The following TMTC2 variants were observed in gnomAD, a reference collection of about 807,000 sequenced individuals.
TMTC2 encodes protein O-mannosyl-transferase TMTC2.
A neutral mutation model predicts 82.4 loss-of-function variants in TMTC2; 43 were observed. That is an observed-to-expected ratio of 0.52 (90% CI 0.41 to 0.67). TMTC2 has a LOEUF of 0.67. Ranked by LOEUF, TMTC2 falls within the 30% of genes least tolerant of loss-of-function variation. The pLI, the probability that TMTC2 is intolerant of heterozygous loss-of-function variation, is 0.00. For missense variants in TMTC2, 919 were observed against 1,012.4 expected, an observed-to-expected ratio of 0.91 and a Z score of 1.25; for synonymous variants, 408 against 381.9, an observed-to-expected ratio of 1.07 and a Z score of -0.80.
chr12:82,956,700 C>T (rs757101882), intron 4 of TMTC2, among the ~76,000 whole-genome samples: 2 of 152,060 alleles, frequency 1.3e-5, no homozygotes, highest in African/African-American at 2.4e-5. Context: ...GTGATCCGCC[C>T]GCCTTTGCCT....
chr12:82,832,079 C>A (rs2137077343), intron 1 of TMTC2, among the ~76,000 whole-genome samples: 1 of 152,238 alleles, frequency 6.6e-6, no homozygotes, highest in Middle Eastern at 3.4e-3. Flanking sequence ...CAACCATTAC[C>A]ATTTTGAAGT....
intron 1 of TMTC2, among the ~76,000 whole-genome samples, chr12:82,693,760 G>C (rs1872675724): frequency 6.6e-6 from 1 of 152,010 alleles, no homozygotes; most frequent in Admixed American, 6.6e-5. Context: ...ACGAGTTCAG[G>C]AGTTGGAGAC....
intron 1 of TMTC2, among the ~76,000 whole-genome samples, chr12:82,726,554 T>C (rs935532205): frequency 3.3e-5 from 5 of 152,132 alleles, no homozygotes; most frequent in Non-Finnish European, 7.4e-5. Flanking sequence ...TTGGAGATGA[T>C]AGGGATTTTC....
chr12:82,790,735 G>C (rs1878430109), intron 1 of TMTC2, among the ~76,000 whole-genome samples: 1 of 151,384 alleles, frequency 6.6e-6, no homozygotes, highest in South Asian at 2.1e-4. Context: ...GCTGAGGCAG[G>C]AGAATCACTT....
At chr12:82,748,294 G>A (rs960325496) in intron 1 of TMTC2, among the ~76,000 whole-genome samples, 1 of 152,068 alleles carries the variant, frequency 6.6e-6, no homozygotes, top group Non-Finnish European at 1.5e-5. Context: ...GTGGGCGACA[G>A]AGTGTGACTG....
intron 9 of TMTC2, among the ~76,000 whole-genome samples, chr12:83,032,619 A>G (rs904475594): frequency 3.9e-5 from 6 of 152,140 alleles, no homozygotes; most frequent in African/African-American, 1.4e-4. Flanking sequence ...ATCTCGGCTC[A>G]CTGCAACCTC....
At chr12:82,981,958 T>C (rs1483066154) in intron 7 of TMTC2, among the ~76,000 whole-genome samples, 1 of 151,748 alleles carries the variant, frequency 6.6e-6, no homozygotes. Context: ...AATGGTATAG[T>C]GGAAAGAGCC....
intron 11 of TMTC2, among the ~76,000 whole-genome samples, chr12:83,081,233 C>A (rs759503479): frequency 3.3e-5 from 5 of 152,156 alleles, no homozygotes; most frequent in Non-Finnish European, 7.4e-5. Flanking sequence ...AAGAAACATA[C>A]CAAAGAGTAA....
intron 1 of TMTC2, among the ~76,000 whole-genome samples, chr12:82,799,390 G>A (rs1878885405): frequency 6.6e-6 from 1 of 152,102 alleles, no homozygotes; most frequent in African/African-American, 2.4e-5. Context: ...GGATTACGTG[G>A]AAAGGTAGAA....
chr12:83,040,357 A>C (rs1881841260), intron 9 of TMTC2, among the ~76,000 whole-genome samples: 1 of 152,176 alleles, frequency 6.6e-6, no homozygotes, highest in Non-Finnish European at 1.5e-5. Context: ...GAAGAAATCC[A>C]GGGAGCTCTG....
At chr12:82,795,218 T>C (rs7302058) in intron 1 of TMTC2, among the ~76,000 whole-genome samples, 3,033 of 151,456 alleles carry the variant, frequency 0.02, 86 homozygotes, top group African/African-American at 0.07. Flanking sequence ...GGTGGGCGAA[T>C]TGCTTGAACC....
intron 3 of TMTC2, among the ~76,000 whole-genome samples, chr12:82,927,767 C>T (rs913782422): frequency 1.3e-5 from 2 of 152,206 alleles, no homozygotes; most frequent in Non-Finnish European, 2.9e-5. Context: ...AGACCCTCCA[C>T]CAGCACAAAG....
chr12:82,795,270 A>C (rs1345542963), intron 1 of TMTC2, among the ~76,000 whole-genome samples: 2 of 146,884 alleles, frequency 1.4e-5, no homozygotes, highest in African/African-American at 5.0e-5. Flanking sequence ...GTGCCACTGC[A>C]CTCCAGCCTC....
At chr12:82,758,000 C>T (rs1171207089) in intron 1 of TMTC2, among the ~76,000 whole-genome samples, 1 of 152,094 alleles carries the variant, frequency 6.6e-6, no homozygotes, top group Non-Finnish European at 1.5e-5. Context: ...TTGGCAGAAA[C>T]AGTGTTTTTG....
At chr12:82,731,840 A>G (rs2136941487) in intron 1 of TMTC2, among the ~76,000 whole-genome samples, 1 of 152,322 alleles carries the variant, frequency 6.6e-6, no homozygotes, top group South Asian at 2.1e-4. Flanking sequence ...TTCTGACTTC[A>G]GTTCTTGGAT....
At chr12:82,827,975 C>T (rs1451370281) in intron 1 of TMTC2, among the ~76,000 whole-genome samples, 2 of 151,728 alleles carry the variant, frequency 1.3e-5, no homozygotes, top group Non-Finnish European at 2.9e-5. Context: ...TCACTGCAAC[C>T]TCCGCCTCCC....
rs774727429 is a variant in TMTC2 at position 83,050,863 on chromosome 12, G to A, written c.2153-41G>A. On this transcript the variant is annotated intron_variant, in intron 9 of 11. Coordinates refer to ENST00000321196, the MANE Select transcript of TMTC2 (RefSeq NM_152588.3). ...TAATAACAGCTTTATTGTTTCATGG[G>A]ATTTTCTGAGTTGAAGCTCACTGGT... 82 of 1,402,068 alleles carry A rather than the reference G, an allele frequency of 5.8e-5. No homozygotes were observed. The South Asian group carries it at 9.3e-4, about 16-fold the overall frequency. 86.9% of individuals were successfully genotyped at this position (1,402,068 alleles called of 1,614,324 possible). A position where few individuals can be genotyped will look rare whatever the true frequency, so the allele number is the denominator to read the frequency against.
chr12:82,687,930 T>A (rs1300472907), intron 1 of TMTC2, among the ~76,000 whole-genome samples: 1 of 152,214 alleles, frequency 6.6e-6, no homozygotes. Context: ...TTGAGTTTCT[T>A]AGCGGAAATC....
At position 83,084,755 on chromosome 12, in the gene TMTC2, G is replaced by A. The variant is rs139595100; in HGVS notation, c.2331+22924G>A. On this transcript the variant is annotated intron_variant, in intron 11 of 11. Transcript: ENST00000321196. ...GAGGAGGAAATGACAAATATTACTG[G>A]CAAGGCACCTACACTGAAGGGGGAC... Among the ~76,000 whole-genome samples the A allele has an allele frequency of 2.4e-3, 367 of 152,272 alleles. 1 individual carries two copies. The highest frequency in any genetic ancestry group is 7.8e-3 in the African/African-American group (326 of 41,550).
Sources: gnomAD v4.1 joint callset for allele counts (sites outside exome capture counted in the v4.1 genomes callset) on GRCh38, gnomAD v4.1.1 for gene constraint, MANE v1.5 for transcripts, NCBI Gene and HGNC (gene_info 2026-07-23, HGNC 2026-07-21) for gene names.